PIBF1: variants seen among roughly 807,000 people sequenced by gnomAD.
PIBF1 encodes progesterone-induced-blocking factor 1.
PIBF1 carries 90 observed loss-of-function variants against 112.5 expected under a neutral mutation model. That is an observed-to-expected ratio of 0.80 (90% CI 0.67 to 0.95). The LOEUF (loss-of-function observed/expected upper bound fraction) is 0.95. PIBF1 is among the 40% of genes least tolerant of loss of function. The pLI, the probability that PIBF1 is intolerant of heterozygous loss-of-function variation, is 0.00. For missense variants in PIBF1, 915 were observed against 852.3 expected, an observed-to-expected ratio of 1.07 and a Z score of -0.92; for synonymous variants, 301 against 288.6, an observed-to-expected ratio of 1.04 and a Z score of -0.44.
chr13:72,980,790 G>A (rs554314890), intron 16 of PIBF1, among the ~76,000 whole-genome samples: 1 of 151,066 alleles, frequency 6.6e-6, no homozygotes, highest in African/African-American at 2.4e-5. Flanking sequence ...GGGTGACAGA[G>A]TCAGAGCCCT....
At position 72,795,497 on chromosome 13, in the gene PIBF1, G is replaced by A. The variant is rs1405344383; in HGVS notation, c.492G>A (p.Glu164=). ...RNLRDFELTE[E]QYIKLKAFPE... is the part of the protein sequence containing the mutation. The stretch of plus-strand genomic sequence containing the variant: ...TGCGTGACTTTGAGTTGACAGAAGA[G>A]CAATATATTAAATTAAAAGCTTTTC... The change falls in exon 4 of 18, where the codon GAG becomes GAA. Residue 164 remains glutamate (E), a synonymous_variant. Coordinates refer to ENST00000326291, the MANE Select transcript of PIBF1 (RefSeq NM_006346.4). The A allele has an allele frequency of 3.1e-6, 5 of 1,607,980 alleles. No individual in the cohort carries two copies. The highest frequency in any genetic ancestry group is 2.7e-5 in the African/African-American group (2 of 74,596).
At chr13:72,866,787 C>T (rs1173504234) in intron 10 of PIBF1, among the ~76,000 whole-genome samples, 2 of 152,078 alleles carry the variant, frequency 1.3e-5, no homozygotes, top group African/African-American at 4.8e-5. Context: ...CTTATAATGA[C>T]TATTTCATGT....
chr13:72,795,410 G>C lies in PIBF1; in HGVS notation c.405G>C (p.Gln135His). The C allele has an allele frequency of 6.2e-7, 1 of 1,606,478 alleles. No homozygotes were observed. The highest frequency in any genetic ancestry group is 8.5e-7 in the Non-Finnish European group (1 of 1,177,702). ...AAATGGAAACCATTTTGTTGAGACA[G>C]AAACAACTAGAAGAGACAAATCTTC... is the stretch of plus-strand genomic sequence containing the variant. ...KQEMETILLR[Q>H]KQLEETNLQL... Residue 135 changes from glutamine to histidine, a missense_variant, in exon 4 of 18, where the codon CAG (glutamine) becomes CAC (histidine). Transcript: ENST00000326291.
At chr13:72,997,236 T>A (rs1051330586) in intron 16 of PIBF1, among the ~76,000 whole-genome samples, 2 of 152,214 alleles carry the variant, frequency 1.3e-5, no homozygotes, top group Non-Finnish European at 2.9e-5. Flanking sequence ...TTTCATAGGC[T>A]TTCCCTTCTA....
chr13:72,964,854 G>A (rs554723760), intron 14 of PIBF1, among the ~76,000 whole-genome samples: 1 of 152,238 alleles, frequency 6.6e-6, no homozygotes, highest in African/African-American at 2.4e-5. Context: ...CTGAGGTCAG[G>A]AGTTCAAGAC....
intron 6 of PIBF1, among the ~76,000 whole-genome samples, chr13:72,826,367 A>G (rs1356697009): frequency 1.3e-5 from 2 of 152,210 alleles, no homozygotes; most frequent in Non-Finnish European, 2.9e-5. Flanking sequence ...CTCTGTGGAA[A>G]TACCAGGTGG....
intron 3 of PIBF1, among the ~76,000 whole-genome samples, chr13:72,792,990 CAA>C (rs1467340201): frequency 6.6e-6 from 1 of 152,024 alleles, no homozygotes; most frequent in Non-Finnish European, 1.5e-5. Context: ...ATAATACAAA[CAA>C]TGAAATAAAT....
chr13:73,000,256 A>G (rs925022388), intron 17 of PIBF1, among the ~76,000 whole-genome samples: 10 of 151,984 alleles, frequency 6.6e-5, no homozygotes, highest in African/African-American at 9.7e-5. Flanking sequence ...TTCCTCATTA[A>G]CTTGCTCACA....
At chr13:72,993,338 A>C (rs572045449) in intron 16 of PIBF1, among the ~76,000 whole-genome samples, 1 of 152,024 alleles carries the variant, frequency 6.6e-6, no homozygotes, top group African/African-American at 2.4e-5. Context: ...AAATAAAAAT[A>C]AAAATAAAAA....
At chr13:72,962,456 G>A (rs531038150) in intron 14 of PIBF1, among the ~76,000 whole-genome samples, 131 of 152,002 alleles carry the variant, frequency 8.6e-4, no homozygotes, top group African/African-American at 3.1e-3. Context: ...AAAATTAGCC[G>A]GGCATGGTGG....
intron 17 of PIBF1, among the ~76,000 whole-genome samples, chr13:73,005,306 A>AAG (rs2043997280): frequency 6.6e-6 from 1 of 151,698 alleles, no homozygotes; most frequent in Admixed American, 6.6e-5. Context: ...AAAAAAAAAA[A>AAG]AAAATTTTTT....
intron 16 of PIBF1, among the ~76,000 whole-genome samples, chr13:72,978,632 G>A (rs2043082422): frequency 6.6e-6 from 1 of 151,980 alleles, no homozygotes; most frequent in Admixed American, 6.6e-5. Context: ...TCTTATCCAG[G>A]TGTTATAATC....
At chr13:72,858,175 C>G (rs1157868696) in intron 10 of PIBF1, among the ~76,000 whole-genome samples, 1 of 151,954 alleles carries the variant, frequency 6.6e-6, no homozygotes, top group Non-Finnish European at 1.5e-5. Context: ...CTTCAGCCCC[C>G]TGAGTAGCTG....
Position 73,015,855 on chromosome 13 carries a change from C to G in PIBF1, c.2224-14C>G, listed in dbSNP as rs1223198320. 1 of 1,519,334 alleles carries G rather than the reference C, an allele frequency of 6.6e-7. No homozygotes were observed. The highest frequency in any genetic ancestry group is 1.4e-5 in the African/African-American group (1 of 71,698). The allele number at this position is 1,519,334 out of a possible 1,614,324, so 94.1% of individuals were successfully genotyped here. A position where few individuals can be genotyped will look rare whatever the true frequency, so the allele number is the denominator to read the frequency against. On this transcript the variant is annotated splice_polypyrimidine_tract_variant and intron_variant, in intron 17 of 17. Transcript: ENST00000326291. ...AAGCATTTTATTGGATTTTCTTTTTCTTTTTTTAAACAGACTAAAAAAGAA... is the reference window on the plus strand; with the variant it reads ...AAGCATTTTATTGGATTTTCTTTTTGTTTTTTTAAACAGACTAAAAAAGAA...
chr13:72,808,704 C>T (rs2035859902), intron 5 of PIBF1, among the ~76,000 whole-genome samples: 1 of 152,176 alleles, frequency 6.6e-6, no homozygotes, highest in Admixed American at 6.5e-5. Flanking sequence ...AGTTTCCCCT[C>T]TCTGGCTATC....
intron 11 of PIBF1, among the ~76,000 whole-genome samples, chr13:72,902,517 A>G (rs1210166227): frequency 1.3e-5 from 2 of 152,190 alleles, no homozygotes; most frequent in Non-Finnish European, 2.9e-5. Context: ...CTCAGCTTTT[A>G]AATATTAAGT....
chr13:72,827,141 T>G (rs766660287), intron 7 of PIBF1, 23 bp downstream of exon 7: 18 of 1,238,896 alleles, frequency 1.5e-5, no homozygotes, highest in Non-Finnish European at 2.0e-5. Flanking sequence ...TTAGAGTCAC[T>G]TATATTATAT....
At chr13:72,990,528 C>CA (rs113835188) in intron 16 of PIBF1, among the ~76,000 whole-genome samples, 2,039 of 63,306 alleles carry the variant, frequency 0.032, 31 homozygotes, top group Non-Finnish European at 0.042. Flanking sequence ...CTCTCCATCT[C>CA]AAAAAAAAAA....
chr13:72,801,304 T>TA (rs898916277), intron 5 of PIBF1, among the ~76,000 whole-genome samples: 1 of 152,024 alleles, frequency 6.6e-6, no homozygotes, highest in African/African-American at 2.4e-5. Context: ...TTTCAGTAGA[T>TA]ATACTGGAAA....
Sources: gnomAD v4.1 joint callset for allele counts (sites outside exome capture counted in the v4.1 genomes callset) on GRCh38, gnomAD v4.1.1 for gene constraint, MANE v1.5 for transcripts, NCBI Gene and HGNC (gene_info 2026-07-23, HGNC 2026-07-21) for gene names.